SSBP4: variants seen among roughly 807,000 people sequenced by gnomAD.
SSBP4 encodes the protein single-stranded DNA-binding protein 4.
A neutral mutation model predicts 64.6 loss-of-function variants in SSBP4; 33 were observed. That is an observed-to-expected ratio of 0.51 (90% CI 0.39 to 0.68). SSBP4 has a LOEUF of 0.68. Ranked by LOEUF, SSBP4 falls within the 30% of genes least tolerant of loss-of-function variation. The pLI, the probability that SSBP4 is intolerant of heterozygous loss-of-function variation, is 0.00. For missense variants in SSBP4, 583 were observed against 566.8 expected, an observed-to-expected ratio of 1.03 and a Z score of -0.29; for synonymous variants, 243 against 224.0, an observed-to-expected ratio of 1.08 and a Z score of -0.76.
At chr19:18,417,071 T>G (rs1600268810), upstream of SSBP4, among the ~76,000 whole-genome samples, 1 of 147,586 alleles carries the variant, frequency 6.8e-6, no homozygotes, top group South Asian at 2.3e-4. The surrounding 1 kb of genome is among the most constrained non-coding windows in gnomAD (Gnocchi z 5.4). Context: ...CCCTCCCTCC[T>G]TCCCTCCCTC....
the SSBP4 span, among the ~76,000 whole-genome samples, chr19:18,407,226 C>T: frequency 7.9e-5 from 12 of 151,686 alleles, no homozygotes; most frequent in African/African-American, 2.4e-4. Flanking sequence ...TTAGTAGAGA[C>T]GGGGTTTCAC....
Position 18,434,517 on chromosome 19 carries a change from G to T in SSBP4, c.*271G>T. On this transcript the variant is annotated 3_prime_UTR_variant, in exon 18 of 18. Transcript: ENST00000270061. ...GGGGCCCCTCTCCCCAGGACGTCAG[G>T]GGGTGGGGCCCATAAATAAATGGAA... The T allele has an allele frequency of 1.7e-6, 1 of 605,338 alleles. No individual in the cohort carries two copies. Among genetic ancestry groups the T allele is most frequent in the East Asian group, 3.1e-5 (1 of 32,404 alleles). 37.5% of individuals were successfully genotyped at this position (605,338 alleles called of 1,614,324 possible). A position where few individuals can be genotyped will look rare whatever the true frequency, so the allele number is the denominator to read the frequency against.
At chr19:18,430,093 C>G (rs543635088) in intron 4 of SSBP4, among the ~76,000 whole-genome samples, 9 of 152,314 alleles carry the variant, frequency 5.9e-5, no homozygotes, top group African/African-American at 2.2e-4. Flanking sequence ...AGCCCATCAC[C>G]TTCTTTTTGG....
upstream of SSBP4, among the ~76,000 whole-genome samples, chr19:18,418,635 TTTGTGTCTGTGTGCCTGGG>T (rs1972225849): frequency 6.6e-6 from 1 of 152,322 alleles, no homozygotes; most frequent in African/African-American, 2.4e-5. The surrounding 1 kb of genome is among the most constrained non-coding windows in gnomAD (Gnocchi z 6.7). Context: ...CTATAGGAGC[TTTGTGTCTGTGTGCCTGGG>T]TTGTGTCTGT....
At position 18,431,964 on chromosome 19, in the gene SSBP4, C is replaced by T. The variant is rs368738862; in HGVS notation, c.566-36C>T. On this transcript the variant is annotated intron_variant, in intron 8 of 17. Coordinates refer to ENST00000270061, the MANE Select transcript of SSBP4 (RefSeq NM_032627.5). ...CCCACTGTCCACACTGGGGAATGGT[C>T]CAGGTCCAAGTCCCCTTCCTTCTGC... The T allele has an allele frequency of 3.9e-6, 6 of 1,553,614 alleles. No homozygotes were observed. In the African/African-American group the frequency reaches 8.1e-5, roughly 21 times the overall value.
At position 18,427,357 on chromosome 19, in the gene SSBP4, G is replaced by T; in HGVS notation, c.66G>T (p.Ala22=). The T allele has an allele frequency of 6.2e-7, 1 of 1,610,284 alleles. No homozygotes were observed. The highest frequency in any genetic ancestry group is 1.3e-5 in the African/African-American group (1 of 75,004). The change falls in exon 2 of 18, where the codon GCG becomes GCT. Residue 22 remains alanine, a synonymous_variant. Coordinates refer to ENST00000270061, the MANE Select transcript of SSBP4 (RefSeq NM_032627.5). This position sits in a 1 kb window ranked among gnomAD's most constrained non-coding sequence, Gnocchi z 4.4. ...PSDSQAREKL[A]LYVYEYLLHI... is the part of the protein sequence containing the mutation. The stretch of plus-strand genomic sequence containing the variant: ...GGCCGCCTCGCCCCCACAGGTTGGC[G>T]CTGTACGTTTATGAGTACCTGCTGC...
chr19:18,434,259 CCCGGGCCTCTCT>C lies in SSBP4; in HGVS notation c.*14_*25del. 6.2e-7 allele frequency: 1 copy of C among 1,611,104 alleles called. No homozygotes were observed. Among genetic ancestry groups the C allele is most frequent in the South Asian group, 1.1e-5 (1 of 90,926 alleles). ...CATGAGCGTGTGATGGGGCGGCAGC[CCCGGGCCTCTCT>C]GCGGGCCTAGGCTTCTGCCCAGCGC... On this transcript the variant is annotated 3_prime_UTR_variant, in exon 18 of 18. Coordinates refer to ENST00000270061, the MANE Select transcript of SSBP4 (RefSeq NM_032627.5).
rs925170543 is a variant in SSBP4, at chr19:18,426,696, C to T, written c.60-655C>T. ...AGGGGTCCCTGGCAGGCTGGGGACT[C>T]GCGCAGAGCCCTGTGGGTGTTTGGG... On this transcript the variant is annotated intron_variant, in intron 1 of 17. Transcript: ENST00000270061. This position sits in a 1 kb window ranked among gnomAD's most constrained non-coding sequence, Gnocchi z 4.5. Among the ~76,000 whole-genome samples the T allele has an allele frequency of 3.3e-5, 5 of 152,054 alleles. No individual in the cohort carries two copies. Among genetic ancestry groups the T allele is most frequent in the Non-Finnish European group, 7.4e-5 (5 of 67,984 alleles).
chr19:18,418,208 G>A (rs997082858), upstream of SSBP4, among the ~76,000 whole-genome samples: 1 of 152,166 alleles, frequency 6.6e-6, no homozygotes, highest in African/African-American at 2.4e-5. This position sits in a 1 kb window ranked among gnomAD's most constrained non-coding sequence, Gnocchi z 6.7. Context: ...GGATGCACAC[G>A]TGCACTCACA....
Position 18,419,683 on chromosome 19 carries a change from C to A in SSBP4, c.35C>A (p.Pro12His). ...AAGGGGGGCAAGGGTTCGGCCGTGC[C>A]CTCCGACAGCCAGGCCCGCGAGAAG... ...YAKGGKGSAV[P>H]SDSQAREKLA... is the part of the protein sequence containing the mutation. The change falls in exon 1 of 18, where the codon CCC becomes CAC. Residue 12 changes from proline to histidine, a missense_variant. Physicochemically the swap from Pro to His is moderately conservative, Grantham distance 77. This residue lies in a region of SSBP4 where 39 missense variants were observed against 25.7 expected (regional missense o/e 1.52). Transcript: ENST00000270061. 2 of 1,194,462 alleles carry A rather than the reference C, an allele frequency of 1.7e-6. No individual in the cohort carries two copies. Among genetic ancestry groups the A allele is most frequent in the Non-Finnish European group, 2.1e-6 (2 of 960,776 alleles). The allele number at this position is 1,194,462 out of a possible 1,614,324, so 74.0% of individuals were successfully genotyped here. A position where few individuals can be genotyped will look rare whatever the true frequency, so the allele number is the denominator to read the frequency against.
At chr19:18,406,414 C>T in the SSBP4 span, among the ~76,000 whole-genome samples, 4 of 151,920 alleles carry the variant, frequency 2.6e-5, no homozygotes, top group Admixed American at 1.3e-4. Context: ...CTCCTGGCCT[C>T]AAATGATCTT....
rs1973511462 is a variant in SSBP4, at chr19:18,432,585, C to T, written c.731C>T (p.Ala244Val). 6.3e-7 allele frequency: 1 copy of T among 1,576,544 alleles called. No homozygotes were observed. ...GGCCCAGGAGTTCGTGGCCCGTGGG[C>T]CAGCCCCAGTGGAAACTCGGTGAGC... ...NMGPGVRGPW[A>V]SPSGNSIPYS... The change falls in exon 11 of 18, where the codon GCC becomes GTC. Residue 244 changes from alanine to valine, a missense_variant. By Grantham distance (64) the Ala-to-Val change is moderately conservative. Around this residue, in one of 5 missense-constraint regions of SSBP4, gnomAD observed 444 missense variants for 386.6 expected, o/e 1.15. Coordinates refer to ENST00000270061, the MANE Select transcript of SSBP4 (RefSeq NM_032627.5).
At chr19:18,433,072 C>T in intron 14 of SSBP4, 29 bp downstream of exon 14, 1 of 1,613,856 alleles carries the variant, frequency 6.2e-7, no homozygotes. Context: ...GGGTGCTTCT[C>T]GAGGCGGTGA....
rs1025657277 is a variant in SSBP4 at position 18,432,833 on chromosome 19, C to T, written c.791C>T (p.Pro264Leu). The part of the protein sequence containing the change: ...SSSSPGSYTG[P>L]PGGGGPPGTP... Reference sequence around the variant, plus strand: ...GTTCCTGTCTCTTGTGTGCAGGGACCCCCAGGAGGAGGTGGGCCCCCTGGA... The same window carrying T: ...GTTCCTGTCTCTTGTGTGCAGGGACTCCCAGGAGGAGGTGGGCCCCCTGGA... Residue 264 changes from proline (P) to leucine (L), a missense_variant, in exon 13 of 18, where the codon CCC (proline) becomes CTC (leucine). Transcript: ENST00000270061. 1 of 1,613,984 alleles carries T rather than the reference C, an allele frequency of 6.2e-7. No homozygotes were observed. The highest frequency in any genetic ancestry group is 8.5e-7 in the Non-Finnish European group (1 of 1,179,950).
intron 4 of SSBP4, among the ~76,000 whole-genome samples, chr19:18,429,124 C>T (rs1186545371): frequency 1.3e-5 from 2 of 152,138 alleles, no homozygotes; most frequent in African/African-American, 4.8e-5. Context: ...CGAATCCCCG[C>T]GGGGACTCGT....
At position 18,427,279 on chromosome 19, in the gene SSBP4, GAGAT is replaced by G; in HGVS notation, c.60-71_60-68del. ...GCCACCTTTCCACCCGCCCTCCTGAGAGATGGAGGGGCTTTGGGGTGGGCCCTTG... is the reference window on the plus strand; with the variant it reads ...GCCACCTTTCCACCCGCCCTCCTGAGGGAGGGGCTTTGGGGTGGGCCCTTG... On this transcript the variant is annotated intron_variant, in intron 1 of 17. Transcript: ENST00000270061. The surrounding 1 kb of genome is among the most constrained non-coding windows in gnomAD (Gnocchi z 4.4). 6.6e-7 allele frequency: 1 copy of G among 1,526,372 alleles called. No homozygotes were observed. The highest frequency in any genetic ancestry group is 1.8e-5 in the Admixed American group (1 of 56,590). 94.6% of individuals were successfully genotyped at this position (1,526,372 alleles called of 1,614,324 possible).
At chr19:18,428,449 GA>G (rs1973033360) in intron 4 of SSBP4, among the ~76,000 whole-genome samples, 1 of 152,172 alleles carries the variant, frequency 6.6e-6, no homozygotes, top group African/African-American at 2.4e-5. Flanking sequence ...CAGGTATCTG[GA>G]GCTGCCCACT....
Position 18,419,460 on chromosome 19 carries a change from G to A in SSBP4, c.-189G>A. The A allele has an allele frequency of 9.4e-7, 1 of 1,068,784 alleles. No homozygotes were observed. Among genetic ancestry groups the A allele is most frequent in the Non-Finnish European group, 1.1e-6 (1 of 885,358 alleles). The allele number at this position is 1,068,784 out of a possible 1,614,324, so 66.2% of individuals were successfully genotyped here. A position where few individuals can be genotyped will look rare whatever the true frequency, so the allele number is the denominator to read the frequency against. On this transcript the variant is annotated 5_prime_UTR_variant, in exon 1 of 18. Coordinates refer to ENST00000270061, the MANE Select transcript of SSBP4 (RefSeq NM_032627.5). ...AAAAAGCCACCCTGCGGCCGGGGCC[G>A]GAGCTGGAGCCGCCGCTGCCGCCGC...
chr19:18,410,956 G>A, the SSBP4 span, among the ~76,000 whole-genome samples: 7 of 152,136 alleles, frequency 4.6e-5, no homozygotes, highest in East Asian at 3.9e-4. Context: ...TGTTATAAGC[G>A]CTAGGGACAC....
Sources: gnomAD v4.1 joint callset for allele counts (sites outside exome capture counted in the v4.1 genomes callset) on GRCh38, gnomAD v4.1.1 for gene constraint, gnomAD v4.1.1 regional missense constraint, Gnocchi (gnomAD v3.1) non-coding constraint, MANE v1.5 for transcripts, NCBI Gene and HGNC (gene_info 2026-07-23, HGNC 2026-07-21) for gene names.